MMP16: variants seen among roughly 807,000 people sequenced by gnomAD.
MMP16 encodes matrix metallopeptidase 16.
In MMP16, 12 loss-of-function variants were observed where a neutral mutation model predicts 67.8. The ratio of observed to expected loss-of-function variants is 0.18; its 90% CI spans 0.11 to 0.29. MMP16 has a LOEUF of 0.29. Ranked by LOEUF, MMP16 falls within the 10% of genes least tolerant of loss-of-function variation. The pLI is 1.00. For missense variants in MMP16, 475 were observed against 765.7 expected, an observed-to-expected ratio of 0.62 and a Z score of 4.48; for synonymous variants, 249 against 255.9, an observed-to-expected ratio of 0.97 and a Z score of 0.26.
At chr8:88,235,289 G>A (rs1809922659) in intron 1 of MMP16, among the ~76,000 whole-genome samples, 1 of 151,616 alleles carries the variant, frequency 6.6e-6, no homozygotes, top group African/African-American at 2.4e-5. Flanking sequence ...CTACTTGGGA[G>A]GCAGAGGCAG....
chr8:88,165,178 T>TAAAAAAAA (rs11325157), intron 4 of MMP16, among the ~76,000 whole-genome samples: 22 of 95,152 alleles, frequency 2.3e-4, no homozygotes, highest in Non-Finnish European at 3.8e-4. Context: ...ACCCCATCTC[T>TAAAAAAAA]AAAAAAAAAA....
intron 1 of MMP16, among the ~76,000 whole-genome samples, chr8:88,234,291 TA>T (rs1195184440): frequency 6.6e-6 from 1 of 152,224 alleles, no homozygotes; most frequent in Non-Finnish European, 1.5e-5. Context: ...ACCTAAAATA[TA>T]AGCTAGAACT....
At chr8:88,229,306 A>G (rs28649468) in intron 1 of MMP16, among the ~76,000 whole-genome samples, 4 of 152,002 alleles carry the variant, frequency 2.6e-5, no homozygotes, top group Non-Finnish European at 5.9e-5. Flanking sequence ...ATAAGAATGC[A>G]GTTCTGTGAG....
chr8:88,252,850 T>C (rs980413851), intron 1 of MMP16, among the ~76,000 whole-genome samples: 1 of 152,172 alleles, frequency 6.6e-6, no homozygotes, highest in Middle Eastern at 3.4e-3. Flanking sequence ...AAACATTTAA[T>C]ACGTAAAAGA....
rs1454922823 is a variant in MMP16 at position 88,107,924 on chromosome 8, T to G, written c.1083+8583A>C. Reference sequence around the variant, plus strand: ...TAATTAACTTTAATGTCTCTCTTTCTCATATGATGTCAAATATAAATATAA... The same window carrying G: ...TAATTAACTTTAATGTCTCTCTTTCGCATATGATGTCAAATATAAATATAA... On this transcript the variant is annotated intron_variant, in intron 6 of 9. Coordinates refer to ENST00000286614, the MANE Select transcript of MMP16 (RefSeq NM_005941.5). Among the ~76,000 whole-genome samples the G allele has an allele frequency of 2.0e-5, 3 of 151,266 alleles. No homozygotes were observed. The East Asian group carries it at 5.8e-4, about 29-fold the overall frequency.
intron 1 of MMP16, among the ~76,000 whole-genome samples, chr8:88,237,657 G>GAACAAC (rs202098880): frequency 1.1e-5 from 1 of 88,344 alleles, no homozygotes; most frequent in African/African-American, 3.3e-5. Flanking sequence ...TCAAAAAACA[G>GAACAAC]AACAACAACA....
Position 88,147,922 on chromosome 8 carries a change from G to A in MMP16, c.709+19747C>T, listed in dbSNP as rs570090381. Among the ~76,000 whole-genome samples, 77 of 151,950 alleles carry A rather than the reference G, an allele frequency of 5.1e-4. 1 individual carries two copies. Among genetic ancestry groups the A allele is most frequent in the Non-Finnish European group, 1.0e-3 (68 of 67,942 alleles). On this transcript the variant is annotated intron_variant, in intron 4 of 9. Coordinates refer to ENST00000286614, the MANE Select transcript of MMP16 (RefSeq NM_005941.5). The stretch of plus-strand genomic sequence containing the variant: ...TTGCACTTTGCATACTCTTTCCCCC[G>A]TTTTCTCCTTCTGGGACTCCAATTG...
chr8:88,079,894 C>A (rs1002563312), intron 6 of MMP16, among the ~76,000 whole-genome samples: 3 of 152,162 alleles, frequency 2.0e-5, no homozygotes, highest in Non-Finnish European at 2.9e-5. Flanking sequence ...GGTGCCTTGA[C>A]CTTAGACTTC....
chr8:88,217,253 T>C (rs147343085), intron 1 of MMP16, among the ~76,000 whole-genome samples: 5 of 152,196 alleles, frequency 3.3e-5, no homozygotes, highest in African/African-American at 9.6e-5. Context: ...AGTGTATTTA[T>C]TATTATGTGG....
intron 1 of MMP16, among the ~76,000 whole-genome samples, chr8:88,274,952 TATGTATA>T (rs1810622390): frequency 6.6e-6 from 1 of 152,008 alleles, no homozygotes; most frequent in Admixed American, 6.6e-5. Flanking sequence ...CATTCATGCA[TATGTATA>T]CAAACTCACA....
chr8:88,131,672 A>C (rs1808032631), intron 4 of MMP16, among the ~76,000 whole-genome samples: 1 of 151,854 alleles, frequency 6.6e-6, no homozygotes. Context: ...TTACTCATTA[A>C]AAACTACCTT....
intron 1 of MMP16, among the ~76,000 whole-genome samples, chr8:88,317,388 C>A (rs1450873755): frequency 6.6e-6 from 1 of 152,164 alleles, no homozygotes; most frequent in African/African-American, 2.4e-5. Flanking sequence ...AAAAAGAGGA[C>A]TTGCCAAAGG....
At chr8:88,093,007 T>C (rs1395637704) in intron 6 of MMP16, among the ~76,000 whole-genome samples, 1 of 151,828 alleles carries the variant, frequency 6.6e-6, no homozygotes, top group Non-Finnish European at 1.5e-5. Flanking sequence ...TATTTCCAAA[T>C]ATTCTAAGGA....
At chr8:88,227,842 T>C (rs1281005308) in intron 1 of MMP16, among the ~76,000 whole-genome samples, 1 of 152,044 alleles carries the variant, frequency 6.6e-6, no homozygotes, top group African/African-American at 2.4e-5. Context: ...CATTTAACTC[T>C]GAAGAGCCCA....
intron 1 of MMP16, among the ~76,000 whole-genome samples, chr8:88,224,726 TG>T (rs1809740903): frequency 2.0e-5 from 3 of 151,752 alleles, no homozygotes; most frequent in African/African-American, 2.4e-5. Flanking sequence ...GGGAGATCTG[TG>T]GAAAAAAAAA....
At chr8:88,241,533 TTC>T (rs1272663372) in intron 1 of MMP16, among the ~76,000 whole-genome samples, 6 of 152,122 alleles carry the variant, frequency 3.9e-5, no homozygotes, top group Admixed American at 3.9e-4. Flanking sequence ...GTTTTTCTCT[TTC>T]TTTTTTAAAA....
intron 1 of MMP16, among the ~76,000 whole-genome samples, chr8:88,231,360 T>C (rs1019987089): frequency 1.3e-5 from 2 of 152,202 alleles, no homozygotes; most frequent in Non-Finnish European, 1.5e-5. Flanking sequence ...GCAATTCATT[T>C]GATCAGTTTT....
chr8:88,174,197 A>T (rs1808848492), intron 3 of MMP16, among the ~76,000 whole-genome samples: 2 of 152,218 alleles, frequency 1.3e-5, no homozygotes, highest in African/African-American at 4.8e-5. Context: ...AAACTAATCA[A>T]TATAGCACTA....
At chr8:88,207,691 T>C (rs556639714) in intron 1 of MMP16, among the ~76,000 whole-genome samples, 43 of 82,482 alleles carry the variant, frequency 5.2e-4, no homozygotes, top group African/African-American at 1.2e-3. Context: ...GTAAGGACCA[T>C]TGTTAAAAAA....
Sources: gnomAD v4.1 joint callset for allele counts (sites outside exome capture counted in the v4.1 genomes callset) on GRCh38, gnomAD v4.1.1 for gene constraint, MANE v1.5 for transcripts, NCBI Gene and HGNC (gene_info 2026-07-23, HGNC 2026-07-21) for gene names.